CLCN1: variants seen among roughly 807,000 people sequenced by gnomAD.
CLCN1 encodes chloride voltage-gated channel 1.
In CLCN1, 100 loss-of-function variants were observed where a neutral mutation model predicts 114.5. The observed-to-expected ratio is 0.87, with a 90% CI of 0.74 to 1.03. The LOEUF is 1.03. CLCN1 is among the 50% of genes least tolerant of loss of function. The pLI, the probability that CLCN1 is intolerant of heterozygous loss-of-function variation, is 0.00. For missense variants in CLCN1, 1,188 were observed against 1,250.0 expected, an observed-to-expected ratio of 0.95 and a Z score of 0.75; for synonymous variants, 485 against 487.1, an observed-to-expected ratio of 1.00 and a Z score of 0.06.
chr7:143,346,748 G>C, intron 19 of CLCN1, 90 bp downstream of exon 19: 1 of 1,271,068 alleles, frequency 7.9e-7, no homozygotes, highest in Non-Finnish European at 1.1e-6. Flanking sequence ...GGAAGGCAGA[G>C]ACCCCACCAA....
At chr7:143,348,135 G>A (rs1222102633) in intron 20 of CLCN1, among the ~76,000 whole-genome samples, 2 of 152,198 alleles carry the variant, frequency 1.3e-5, no homozygotes, top group Non-Finnish European at 2.9e-5. Flanking sequence ...AAGCATTACA[G>A]GATTGGAGGA....
At position 143,324,419 on chromosome 7, in the gene CLCN1, A is replaced by G. The variant is rs1339281633; in HGVS notation, c.780A>G (p.Pro260=). ...MSVFCGVYEQ[P]YYYSDILTVG... ...GTCTGTCTCTCCCCTAGTAGCAGCCATACTACTACTCTGATATCCTGACGG... is the reference window on the plus strand; with the variant it reads ...GTCTGTCTCTCCCCTAGTAGCAGCCGTACTACTACTCTGATATCCTGACGG... The change falls in exon 7 of 23, where the codon CCA becomes CCG. Residue 260 remains proline (P), a synonymous_variant. Transcript: ENST00000343257. This position sits in a 1 kb window ranked among gnomAD's most constrained non-coding sequence, Gnocchi z 4.6. The G allele has an allele frequency of 4.1e-5, 66 of 1,611,596 alleles. No homozygotes were observed. Among genetic ancestry groups the G allele is most frequent in the Non-Finnish European group, 5.5e-5 (65 of 1,178,018 alleles).
At position 143,351,486 on chromosome 7, in the gene CLCN1, G is replaced by C. The variant is rs1338810967; in HGVS notation, c.2596-108G>C. On this transcript the variant is annotated intron_variant, in intron 22 of 22. Coordinates refer to ENST00000343257, the MANE Select transcript of CLCN1 (RefSeq NM_000083.3). ...CGTTTTGCCACTCTATATCTTTCCT[G>C]TTCTTTTTTCCTTTCATTGTACCTG... is the stretch of plus-strand genomic sequence containing the variant. The C allele has an allele frequency of 2.2e-5, 28 of 1,254,336 alleles. 1 individual carries two copies. The Admixed American group carries it at 2.4e-4, about 11-fold the overall frequency. The allele number at this position is 1,254,336 out of a possible 1,614,324, so 77.7% of individuals were successfully genotyped here.
intron 17 of CLCN1, 106 bp downstream of exon 17, chr7:143,345,868 A>C: frequency 6.8e-7 from 1 of 1,464,812 alleles, no homozygotes; most frequent in South Asian, 1.2e-5. Flanking sequence ...GTTTCCCTGA[A>C]AGTAGTGGGA....
intron 20 of CLCN1, among the ~76,000 whole-genome samples, chr7:143,348,090 T>C (rs555743010): frequency 5.3e-5 from 8 of 152,342 alleles, no homozygotes; most frequent in Admixed American, 2.0e-4. Flanking sequence ...GAACATCTTA[T>C]TGGATATCCA....
chr7:143,320,273 C>A (rs528933830), intron 2 of CLCN1, among the ~76,000 whole-genome samples: 21 of 152,346 alleles, frequency 1.4e-4, no homozygotes, highest in Admixed American at 3.3e-4. Context: ...CCATGCTTGG[C>A]CCCTCTAAGT....
intron 12 of CLCN1, among the ~76,000 whole-genome samples, chr7:143,333,725 G>T (rs1191084518): frequency 1.3e-5 from 2 of 152,048 alleles, no homozygotes; most frequent in Non-Finnish European, 2.9e-5. Flanking sequence ...CTCTATTTAG[G>T]TGATGAAGCT....
In CLCN1 at chr7:143,321,454, A is replaced by G. The variant is rs555680428; in HGVS notation, c.523A>G (p.Ser175Gly). Residue 175 changes from serine (S) to glycine (G), a missense_variant, in exon 4 of 23, where the codon AGC (serine) becomes GGC (glycine). Coordinates refer to ENST00000343257, the MANE Select transcript of CLCN1 (RefSeq NM_000083.3). This position sits in a 1 kb window ranked among gnomAD's most constrained non-coding sequence, Gnocchi z 4.2. Reference protein sequence around the residue: ...VTFPLVLILFSALFCHLISPQ... With the variant: ...VTFPLVLILFGALFCHLISPQ... The stretch of plus-strand genomic sequence containing the variant: ...CTTCCCACTAGTCCTCATCCTCTTC[A>G]GCGCCCTCTTCTGCCACCTCATCTC... The G allele has an allele frequency of 1.5e-5, 25 of 1,614,062 alleles. No homozygotes were observed. The highest frequency in any genetic ancestry group is 2.0e-5 in the Non-Finnish European group (24 of 1,180,018).
chr7:143,349,679 T>C (rs150367569), intron 20 of CLCN1, among the ~76,000 whole-genome samples: 5 of 152,348 alleles, frequency 3.3e-5, no homozygotes, highest in African/African-American at 9.6e-5. Flanking sequence ...AGGTCCAGTA[T>C]AGCTCTTCAA....
intron 22 of CLCN1, among the ~76,000 whole-genome samples, chr7:143,351,079 C>A (rs1803385272): frequency 1.3e-5 from 2 of 152,172 alleles, no homozygotes; most frequent in Non-Finnish European, 2.9e-5. Context: ...TGCCTGGCAC[C>A]CCTCTGTATT....
Position 143,339,219 on chromosome 7 carries a change from T to C in CLCN1, c.1402-34T>C, listed in dbSNP as rs1449454860. 3 of 1,396,654 alleles carry C rather than the reference T, an allele frequency of 2.1e-6. No individual in the cohort carries two copies. Among genetic ancestry groups the C allele is most frequent in the Admixed American group, 3.3e-5 (2 of 59,786 alleles). 86.5% of individuals were successfully genotyped at this position (1,396,654 alleles called of 1,614,324 possible). On this transcript the variant is annotated intron_variant, in intron 12 of 22. Coordinates refer to ENST00000343257, the MANE Select transcript of CLCN1 (RefSeq NM_000083.3). This position sits in a 1 kb window ranked among gnomAD's most constrained non-coding sequence, Gnocchi z 4.1. The stretch of plus-strand genomic sequence containing the variant: ...TGTGTGCATGTCTATTGGGCAGAGT[T>C]GAAAGGGTATTCCAACGCTTCTTTC...
intron 10 of CLCN1, 97 bp downstream of exon 10, chr7:143,331,749 G>A: frequency 1.2e-6 from 1 of 837,104 alleles, no homozygotes; most frequent in Non-Finnish European, 2.1e-6. Context: ...AAATGCCTCT[G>A]GGTGGCTTGC....
rs1803267975 is a variant in CLCN1, at chr7:143,347,015, TC to T, written c.2403+67del. On this transcript the variant is annotated intron_variant, in intron 20 of 22. Transcript: ENST00000343257. ...CAAATGAAGATATTGCTAATTTGTT[TC>T]TACCTTCTTTATTGTGTTGTCATGA... 1.3e-5 allele frequency: 17 copies of T among 1,334,174 alleles called. No individual in the cohort carries two copies. The South Asian group carries it at 1.8e-4, about 14-fold the overall frequency. 82.6% of individuals were successfully genotyped at this position (1,334,174 alleles called of 1,614,324 possible).
In CLCN1 at chr7:143,352,025, T is replaced by A; in HGVS notation, c.*60T>A. 2 of 1,609,378 alleles carry A rather than the reference T, an allele frequency of 1.2e-6. No homozygotes were observed. The highest frequency in any genetic ancestry group is 1.7e-6 in the Non-Finnish European group (2 of 1,177,706). On this transcript the variant is annotated 3_prime_UTR_variant, in exon 23 of 23. Transcript: ENST00000343257. ...GAGGCCCAGCCTGAGGGTGAACTTG[T>A]GTGGGGCAGGGTGCGTCCTGAATGT...
intron 19 of CLCN1, 56 bp downstream of exon 19, chr7:143,346,714 G>T: frequency 6.9e-7 from 1 of 1,449,830 alleles, no homozygotes; most frequent in South Asian, 1.1e-5. Flanking sequence ...CTTGAAGAGT[G>T]AGAAACCCAC....
At chr7:143,341,713 G>A (rs1210810160) in intron 14 of CLCN1, among the ~76,000 whole-genome samples, 2 of 152,102 alleles carry the variant, frequency 1.3e-5, no homozygotes, top group Non-Finnish European at 2.9e-5. Flanking sequence ...CACACACAAA[G>A]ATTTTGTAAC....
intron 12 of CLCN1, among the ~76,000 whole-genome samples, chr7:143,337,915 C>T (rs1211044317): frequency 6.9e-6 from 1 of 145,742 alleles, no homozygotes; most frequent in Non-Finnish European, 1.5e-5. Context: ...CAAGCTCCAA[C>T]TCCCGGGTTC....
At chr7:143,345,394 G>A in intron 16 of CLCN1, 127 bp from the exon 17 acceptor site, 3 of 1,218,170 alleles carry the variant, frequency 2.5e-6, no homozygotes, top group Non-Finnish European at 3.4e-6. Context: ...GAGTTTCCAG[G>A]AAGCTGAGAA....
intron 7 of CLCN1, among the ~76,000 whole-genome samples, chr7:143,327,650 A>T (rs927115104): frequency 2.0e-5 from 3 of 152,056 alleles, no homozygotes; most frequent in Non-Finnish European, 2.9e-5. Context: ...TAACCTGGTG[A>T]TTAATTTTAT....
Sources: allele counts gnomAD v4.1 joint callset (sites outside exome capture counted in the v4.1 genomes callset), GRCh38; gene constraint gnomAD v4.1.1; non-coding constraint Gnocchi (gnomAD v3.1); transcripts MANE v1.5; gene names NCBI Gene and HGNC (gene_info 2026-07-23, HGNC 2026-07-21).